Variants in OR10H1 observed in about 807,000 individuals in gnomAD.
The protein encoded by OR10H1 is olfactory receptor family 10 subfamily H member 1.
OR10H1 carries 12 observed loss-of-function variants against 13.1 expected under a neutral mutation model. That is an observed-to-expected ratio of 0.92 (90% CI 0.59 to 1.48). OR10H1 has a LOEUF of 1.48. Among genes scored for constraint, OR10H1 ranks in the 40% most tolerant of loss-of-function variants. OR10H1 has a pLI of 0.00. For missense variants in OR10H1, 363 were observed against 413.1 expected, an observed-to-expected ratio of 0.88 and a Z score of 1.05; for synonymous variants, 168 against 175.6, an observed-to-expected ratio of 0.96 and a Z score of 0.34.
At chr19:15,813,816 GGA>G (rs904923408) in intron 1 of OR10H1, among the ~76,000 whole-genome samples, 2 of 148,232 alleles carry the variant, frequency 1.3e-5, no homozygotes, top group South Asian at 2.2e-4. Context: ...AGAAGGGTGG[GGA>G]GAGAGAGAGA....
At chr19:15,813,758 T>G (rs1321372921) in intron 1 of OR10H1, among the ~76,000 whole-genome samples, 63 of 54,524 alleles carry the variant, frequency 1.2e-3, no homozygotes, top group Admixed American at 1.6e-3. Flanking sequence ...ACAGAGAGTG[T>G]GGGAGGTGGG....
intron 2 of OR10H1, among the ~76,000 whole-genome samples, chr19:15,811,958 TCAA>T (rs1555767429): frequency 6.6e-6 from 1 of 152,186 alleles, no homozygotes; most frequent in Non-Finnish European, 1.5e-5. Context: ...TGCTGTGTAC[TCAA>T]CAACAACACC....
chr19:15,807,351 G>T lies in OR10H1; in HGVS notation c.687C>A (p.Ile229=), dbSNP rs367868657. 6.2e-7 allele frequency: 1 copy of T among 1,614,016 alleles called. No homozygotes were observed. Among genetic ancestry groups the T allele is most frequent in the Non-Finnish European group, 8.5e-7 (1 of 1,179,898 alleles). ...CCTTGTTCCGACCTTCAGCAGAAGGGATCTTCAAGATGGCGGCCACGATGA... is the reference window on the plus strand; with the variant it reads ...CCTTGTTCCGACCTTCAGCAGAAGGTATCTTCAAGATGGCGGCCACGATGA... The part of the protein sequence containing the change: ...YAFIVAAILK[I]PSAEGRNKAF... The change falls in exon 4 of 4, where the codon ATC becomes ATA. Residue 229 remains isoleucine, a synonymous_variant. Coordinates refer to ENST00000641419, the MANE Select transcript of OR10H1 (RefSeq NM_013940.4).
chr19:15,807,999 G>A lies in OR10H1; in HGVS notation c.39C>T (p.Ile13=). 6.2e-7 allele frequency: 1 copy of A among 1,614,122 alleles called. No homozygotes were observed. Among genetic ancestry groups the A allele is most frequent in the Non-Finnish European group, 8.5e-7 (1 of 1,179,990 alleles). The change falls in exon 4 of 4, where the codon ATC becomes ATT. Residue 13 remains isoleucine, a synonymous_variant. Coordinates refer to ENST00000641419, the MANE Select transcript of OR10H1 (RefSeq NM_013940.4). ...GGGGGAAGACAGAGAAGCCGACGAG[G>A]ATGAATTGGGTCACTGTGGAGTGAT... The part of the protein sequence containing the change: ...RANHSTVTQF[I]LVGFSVFPHL...
chr19:15,809,220 C>T (rs2189513), intron 2 of OR10H1, among the ~76,000 whole-genome samples: 2,604 of 152,258 alleles, frequency 0.017, 75 homozygotes, highest in African/African-American at 0.059. Flanking sequence ...TGGGAATCAG[C>T]AGGGCTCAGT....
At chr19:15,815,235 G>T (rs1024185401) in intron 1 of OR10H1, among the ~76,000 whole-genome samples, 1 of 152,064 alleles carries the variant, frequency 6.6e-6, no homozygotes, top group African/African-American at 2.4e-5. Flanking sequence ...CAGCTACTCA[G>T]GAGGCTGAGG....
At chr19:15,809,862 G>C (rs185995788) in intron 2 of OR10H1, among the ~76,000 whole-genome samples, 1 of 151,864 alleles carries the variant, frequency 6.6e-6, no homozygotes, top group Non-Finnish European at 1.5e-5. Flanking sequence ...ACCCAGGCTG[G>C]AGTGCAGTGG....
intron 2 of OR10H1, among the ~76,000 whole-genome samples, chr19:15,811,548 C>T (rs2088932545): frequency 6.6e-6 from 1 of 152,120 alleles, no homozygotes; most frequent in South Asian, 2.1e-4. Context: ...AAAGTCACCC[C>T]CAGTTGAGAA....
Position 15,806,828 on chromosome 19 carries a change from G to A in OR10H1, c.*253C>T. On this transcript the variant is annotated 3_prime_UTR_variant, in exon 4 of 4. Transcript: ENST00000641419. ...CTGCAACCTCCACCTACCGGGTCAA[G>A]CGATTCTTATGCCTCAGCCTCCCAA... The A allele has an allele frequency of 2.3e-6, 1 of 438,052 alleles. No homozygotes were observed. The highest frequency in any genetic ancestry group is 6.8e-4 in the Middle Eastern group (1 of 1,474). 27.1% of individuals were successfully genotyped at this position (438,052 alleles called of 1,614,324 possible). A position where few individuals can be genotyped will look rare whatever the true frequency, so the allele number is the denominator to read the frequency against.
rs778863900 is a variant in OR10H1, at chr19:15,807,078, CT to C, written c.*2del. Reference sequence around the variant, plus strand: ...CAATTTAGTTGTTCCCAGTGAATTTCTCCTACATCATTACATTTTTTTCTGG... The same window carrying C: ...CAATTTAGTTGTTCCCAGTGAATTTCCCTACATCATTACATTTTTTTCTGG... On this transcript the variant is annotated 3_prime_UTR_variant, in exon 4 of 4. Coordinates refer to ENST00000641419, the MANE Select transcript of OR10H1 (RefSeq NM_013940.4). The C allele has an allele frequency of 6.2e-7, 1 of 1,607,858 alleles. No homozygotes were observed. The highest frequency in any genetic ancestry group is 8.5e-7 in the Non-Finnish European group (1 of 1,176,860).
chr19:15,812,466 A>C lies in OR10H1; in HGVS notation c.-365T>G, dbSNP rs2144944653. The C allele has an allele frequency of 7.1e-6, 1 of 140,304 alleles. No individual in the cohort carries two copies. The highest frequency in any genetic ancestry group is 2.2e-4 in the East Asian group (1 of 4,496). The allele number at this position is 140,304 out of a possible 1,614,324, so 8.7% of individuals were successfully genotyped here. A position where few individuals can be genotyped will look rare whatever the true frequency, so the allele number is the denominator to read the frequency against. ...GAAGGAAAGAAGGATAAAAGGAAGG[A>C]AGGATGGGGACTGCAGGAGGAAGGA... On this transcript the variant is annotated 5_prime_UTR_variant, in exon 2 of 4. Coordinates refer to ENST00000641419, the MANE Select transcript of OR10H1 (RefSeq NM_013940.4).
At chr19:15,814,423 C>T (rs2088951702) in intron 1 of OR10H1, among the ~76,000 whole-genome samples, 1 of 150,866 alleles carries the variant, frequency 6.6e-6, no homozygotes, top group Non-Finnish European at 1.5e-5. Context: ...TCCCTCACCA[C>T]CTGCTCCCAT....
Position 15,805,257 on chromosome 19 carries a change from T to C in OR10H1, c.*1824A>G, listed in dbSNP as rs2088889015. 6.6e-6 allele frequency: 1 copy of C among 152,142 alleles called. No homozygotes were observed. The highest frequency in any genetic ancestry group is 2.4e-5 in the African/African-American group (1 of 41,452). The allele number at this position is 152,142 out of a possible 1,614,324, so 9.4% of individuals were successfully genotyped here. On this transcript the variant is annotated 3_prime_UTR_variant, in exon 4 of 4. Transcript: ENST00000641419. Reference sequence around the variant, plus strand: ...TCCCATTTGTCAATTTTGGCTTTTGTAATATGGGATGTTTTGACTGTGGGT... The same window carrying C: ...TCCCATTTGTCAATTTTGGCTTTTGCAATATGGGATGTTTTGACTGTGGGT...
chr19:15,814,971 T>C (rs2088958441), intron 1 of OR10H1, among the ~76,000 whole-genome samples: 1 of 152,136 alleles, frequency 6.6e-6, no homozygotes, highest in Non-Finnish European at 1.5e-5. Flanking sequence ...ACATTGAGCA[T>C]TGGCTGTCTT....
chr19:15,810,346 G>A (rs1045146179), intron 2 of OR10H1, among the ~76,000 whole-genome samples: 15 of 148,984 alleles, frequency 1.0e-4, no homozygotes, highest in East Asian at 2.0e-4. Flanking sequence ...CTGTTTCTAC[G>A]GATGTGTCTG....
Position 15,807,456 on chromosome 19 carries a change from C to G in OR10H1, c.582G>C (p.Leu194=), listed in dbSNP as rs146455900. Reference sequence around the variant, plus strand: ...CCAAGCCCACGCCTTTGGCCACCACCAGCACATCGTCTCCACAGGCCAACT... The same window carrying G: ...CCAAGCCCACGCCTTTGGCCACCACGAGCACATCGTCTCCACAGGCCAACT... ...LLKLACGDDV[L]VVAKGVGLVC... is the part of the protein sequence containing the mutation. Residue 194 remains leucine, a synonymous_variant, in exon 4 of 4, where the codon CTG becomes CTC. Coordinates refer to ENST00000641419, the MANE Select transcript of OR10H1 (RefSeq NM_013940.4). The G allele has an allele frequency of 6.2e-6, 10 of 1,614,104 alleles. No homozygotes were observed. The African/African-American group carries it at 1.3e-4, about 22-fold the overall frequency.
chr19:15,814,516 A>T (rs1302760975), intron 1 of OR10H1, among the ~76,000 whole-genome samples: 17 of 135,190 alleles, frequency 1.3e-4, no homozygotes, highest in African/African-American at 4.7e-4. Context: ...AGAGAGAGAG[A>T]GAGAGAGAGA....
chr19:15,813,390 C>T (rs2088945250), intron 1 of OR10H1, among the ~76,000 whole-genome samples: 1 of 151,696 alleles, frequency 6.6e-6, no homozygotes, highest in South Asian at 2.1e-4. Context: ...GCAGAACATC[C>T]AGTGGGTTCC....
In OR10H1 at chr19:15,815,605, T is replaced by C. The variant is rs7258221; in HGVS notation, c.-828A>G. On this transcript the variant is annotated 5_prime_UTR_variant, in exon 1 of 4. Coordinates refer to ENST00000641419, the MANE Select transcript of OR10H1 (RefSeq NM_013940.4). ...CTTCATCCCAGTAGGAGGCTCTAGTTTGGAGTTTCTCCACAGGTGGGAGCT... is the reference window on the plus strand; with the variant it reads ...CTTCATCCCAGTAGGAGGCTCTAGTCTGGAGTTTCTCCACAGGTGGGAGCT... The C allele has an allele frequency of 0.19, 28,177 of 152,242 alleles. 2,674 individuals are homozygous for C. Among genetic ancestry groups the C allele is most frequent in the South Asian group, 0.23 (1,091 of 4,824 alleles). The allele number at this position is 152,242 out of a possible 1,614,324, so 9.4% of individuals were successfully genotyped here.
Sources: gnomAD v4.1 joint callset for allele counts (sites outside exome capture counted in the v4.1 genomes callset) on GRCh38, gnomAD v4.1.1 for gene constraint, MANE v1.5 for transcripts, NCBI Gene and HGNC (gene_info 2026-07-23, HGNC 2026-07-21) for gene names.